CCDC91: variants seen among roughly 807,000 people sequenced by gnomAD.
The protein encoded by CCDC91 is coiled-coil domain-containing protein 91.
Under a neutral mutation model 63.2 loss-of-function variants are expected in CCDC91, and 48 were observed. The observed-to-expected ratio is 0.76, with a 90% confidence interval of 0.60 to 0.97. The LOEUF is 0.97. Among genes scored for constraint, CCDC91 ranks in the 50% least tolerant of loss-of-function variants. The pLI is 0.00. For missense variants in CCDC91, 500 were observed against 494.6 expected, an observed-to-expected ratio of 1.01 and a Z score of -0.10; for synonymous variants, 167 against 165.8, an observed-to-expected ratio of 1.01 and a Z score of -0.06.
chr12:28,323,292 T>G (rs1428839682), intron 6 of CCDC91, among the ~76,000 whole-genome samples: 3 of 151,834 alleles, frequency 2.0e-5, no homozygotes, highest in Non-Finnish European at 1.5e-5. Context: ...TAACTTTTGA[T>G]CTATCTGGAC....
At chr12:28,520,823 T>C (rs1429153340) in intron 12 of CCDC91, among the ~76,000 whole-genome samples, 1 of 152,212 alleles carries the variant, frequency 6.6e-6, no homozygotes, top group Non-Finnish European at 1.5e-5. Flanking sequence ...ATTCATTAAA[T>C]AGGGAATCGT....
At chr12:28,257,628 C>A (rs1261314003) in intron 2 of CCDC91, among the ~76,000 whole-genome samples, 1 of 152,012 alleles carries the variant, frequency 6.6e-6, no homozygotes, top group East Asian at 1.9e-4. Flanking sequence ...CATGTTTATA[C>A]CTGCAATGAG....
intron 7 of CCDC91, among the ~76,000 whole-genome samples, chr12:28,376,475 A>AAAAAAC (rs1329378681): frequency 6.6e-6 from 1 of 151,838 alleles, no homozygotes; most frequent in African/African-American, 2.4e-5. Context: ...TCAAGATTAA[A>AAAAAAC]AAAAACAAAA....
chr12:28,394,711 GCTCTCT>G (rs151131648), intron 8 of CCDC91, among the ~76,000 whole-genome samples: 1 of 136,948 alleles, frequency 7.3e-6, no homozygotes, highest in Admixed American at 7.2e-5. Flanking sequence ...TCTGTTTCTT[GCTCTCT>G]CTCTCTCTCT....
chr12:28,254,703 C>T (rs1232507515), intron 1 of CCDC91, among the ~76,000 whole-genome samples: 1 of 150,380 alleles, frequency 6.6e-6, no homozygotes, highest in Non-Finnish European at 1.5e-5. Flanking sequence ...TGTTAAGTAA[C>T]TTGGGACATA....
intron 7 of CCDC91, among the ~76,000 whole-genome samples, chr12:28,379,576 A>G (rs1046790388): frequency 2.0e-5 from 3 of 152,182 alleles, no homozygotes; most frequent in Non-Finnish European, 4.4e-5. Context: ...ATCACTGGCC[A>G]TCAGAGAAAT....
rs544488549 is a variant in CCDC91, at chr12:28,528,945, T to C, written c.1216-20118T>C. Among the ~76,000 whole-genome samples the C allele has an allele frequency of 5.3e-5, 8 of 152,250 alleles. No individual in the cohort carries two copies. In the South Asian group the frequency reaches 1.7e-3, roughly 32 times the overall value. On this transcript the variant is annotated intron_variant, in intron 12 of 12. Transcript: ENST00000536442. ...TGATATTTATCTATATTTGTTGATATGGTTGCAAAATCACCTGAATCATAT... is the reference window on the plus strand; with the variant it reads ...TGATATTTATCTATATTTGTTGATACGGTTGCAAAATCACCTGAATCATAT...
intron 8 of CCDC91, among the ~76,000 whole-genome samples, chr12:28,406,966 C>T (rs1022271217): frequency 6.7e-4 from 102 of 152,030 alleles, no homozygotes; most frequent in Non-Finnish European, 1.6e-4. Context: ...GGAGTTGGGG[C>T]CTGGTGGGAA....
At chr12:28,518,202 A>C (rs1481453227) in intron 12 of CCDC91, among the ~76,000 whole-genome samples, 1 of 151,944 alleles carries the variant, frequency 6.6e-6, no homozygotes, top group African/African-American at 2.4e-5. Context: ...TCTTTAAGGA[A>C]TCTCCACACT....
At chr12:28,384,918 C>T (rs1001606214) in intron 7 of CCDC91, among the ~76,000 whole-genome samples, 11 of 151,948 alleles carry the variant, frequency 7.2e-5, no homozygotes, top group African/African-American at 2.2e-4. Flanking sequence ...AATAAACTTA[C>T]GATTTGTTTG....
intron 8 of CCDC91, among the ~76,000 whole-genome samples, chr12:28,428,298 T>C (rs893733387): frequency 6.6e-6 from 1 of 151,614 alleles, no homozygotes; most frequent in African/African-American, 2.4e-5. Flanking sequence ...TGGCCACGCG[T>C]AGTGGCTCAT....
At chr12:28,239,688 A>G (rs1377550626) in intron 1 of CCDC91, among the ~76,000 whole-genome samples, 1 of 152,182 alleles carries the variant, frequency 6.6e-6, no homozygotes, top group Non-Finnish European at 1.5e-5. Flanking sequence ...TTGTTGTCAT[A>G]TTGATGGGAT....
At chr12:28,544,454 G>T (rs1438440061) in intron 12 of CCDC91, among the ~76,000 whole-genome samples, 3 of 151,914 alleles carry the variant, frequency 2.0e-5, no homozygotes, top group Non-Finnish European at 4.4e-5. Flanking sequence ...TTGGAAAAAT[G>T]AAGTCATTTT....
At chr12:28,297,201 G>T (rs1949609916) in intron 3 of CCDC91, among the ~76,000 whole-genome samples, 1 of 151,768 alleles carries the variant, frequency 6.6e-6, no homozygotes, top group African/African-American at 2.4e-5. Flanking sequence ...AGGTAAAAGT[G>T]CATGGCTATT....
At chr12:28,509,550 T>A (rs1179007895) in intron 12 of CCDC91, among the ~76,000 whole-genome samples, 2 of 151,928 alleles carry the variant, frequency 1.3e-5, no homozygotes, top group Admixed American at 6.6e-5. Flanking sequence ...GATGAAAACA[T>A]GAGTGACTTA....
intron 1 of CCDC91, chr12:28,256,765 G>A (rs946539911): frequency 1.3e-5 from 2 of 154,408 alleles, no homozygotes; most frequent in African/African-American, 4.8e-5. Flanking sequence ...ATCTAAATCA[G>A]CCTTGGCCCT....
At position 28,549,161 on chromosome 12, in the gene CCDC91, TGA is replaced by T; in HGVS notation, c.1315_1316del (p.Asp439HisfsTer2). The T allele has an allele frequency of 6.2e-7, 1 of 1,600,584 alleles. No individual in the cohort carries two copies. Among genetic ancestry groups the T allele is most frequent in the South Asian group, 1.1e-5 (1 of 90,714 alleles). On this transcript the variant is annotated frameshift_variant, in exon 13 of 13. Coordinates refer to ENST00000536442, the MANE Select transcript of CCDC91 (RefSeq NM_018318.5). LOFTEE classifies it high-confidence loss of function. ...LSALIATEPV[D>X]IE Reference sequence around the variant, plus strand: ...GTGCTTTAATAGCTACGGAACCAGTTGACATTGAATAAAAAGAACATGACAAA... The same window carrying T: ...GTGCTTTAATAGCTACGGAACCAGTTCATTGAATAAAAAGAACATGACAAA...
At chr12:28,204,670 T>A (rs976854740) in intron 1 of CCDC91, among the ~76,000 whole-genome samples, 1 of 152,154 alleles carries the variant, frequency 6.6e-6, no homozygotes, top group Non-Finnish European at 1.5e-5. Context: ...TCATGTGTAG[T>A]TTTAAGCTAG....
intron 8 of CCDC91, among the ~76,000 whole-genome samples, chr12:28,431,785 G>T (rs2140092264): frequency 1.3e-5 from 2 of 152,030 alleles, no homozygotes; most frequent in South Asian, 4.2e-4. Context: ...TCTTGGTGGT[G>T]TACATTCTAA....
Sources: allele counts gnomAD v4.1 joint callset (sites outside exome capture counted in the v4.1 genomes callset), GRCh38; gene constraint gnomAD v4.1.1; transcripts MANE v1.5; gene names NCBI Gene and HGNC (gene_info 2026-07-23, HGNC 2026-07-21).